COBLL1: variants seen among roughly 807,000 people sequenced by gnomAD.
The protein encoded by COBLL1 is cordon-bleu protein-like 1.
COBLL1 carries 50 observed loss-of-function variants against 94.8 expected under a neutral mutation model. The observed-to-expected ratio is 0.53, with a 90% CI of 0.42 to 0.67. The LOEUF is 0.67. Ranked by LOEUF, COBLL1 falls within the 30% of genes least tolerant of loss-of-function variation. The probability of loss-of-function intolerance (pLI) is 0.00; values close to 1 mark genes in which losing one functional copy is unlikely to be tolerated. For synonymous variants in COBLL1, 448 were observed against 473.8 expected (o/e 0.95, Z 0.71); for missense variants, 1,362 against 1,348.7 (o/e 1.01, Z -0.15).
At chr2:164,773,336 A>C (rs1000250443) in intron 2 of COBLL1, among the ~76,000 whole-genome samples, 3 of 152,138 alleles carry the variant, frequency 2.0e-5, no homozygotes, top group Non-Finnish European at 2.9e-5. Context: ...ACCATGTCTT[A>C]AGGCTAGGAA....
At chr2:164,732,050 G>T (rs888825831) in intron 3 of COBLL1, among the ~76,000 whole-genome samples, 4 of 152,056 alleles carry the variant, frequency 2.6e-5, no homozygotes, top group African/African-American at 9.7e-5. Flanking sequence ...CTACTCCTAG[G>T]CCAGTCCAAT....
At chr2:164,698,310 A>G (rs1684059235) in intron 11 of COBLL1, 1 of 151,570 alleles carries the variant, frequency 6.6e-6, no homozygotes, top group South Asian at 2.1e-4. Context: ...ATATCTCACA[A>G]TGGTATTGAA....
At chr2:164,699,648 C>T (rs538729775) in intron 10 of COBLL1, 149 bp from the exon 11 acceptor site, 14 of 493,818 alleles carry the variant, frequency 2.8e-5, no homozygotes, top group South Asian at 1.1e-4. Context: ...TGCCAAACAT[C>T]GGAAATTTAA....
rs775429581 is a variant in COBLL1 at position 164,700,554 on chromosome 2, T to C, written c.1428A>G (p.Glu476=). 1.1e-5 allele frequency: 17 copies of C among 1,613,582 alleles called. No individual in the cohort carries two copies. Among genetic ancestry groups the C allele is most frequent in the Non-Finnish European group, 1.4e-5 (17 of 1,179,732 alleles). Residue 476 remains glutamate, a synonymous_variant, in exon 10 of 14, where the codon GAA becomes GAG. Coordinates refer to ENST00000652658, the MANE Select transcript of COBLL1 (RefSeq NM_001365672.2). ...GSGEFSQNSM[E]EKQETKSTDG... ...CTGTGCTTTTAGTTTCTTGTTTTTC[T>C]TCCATGGAGTTTTGTGAGAACTCTC...
chr2:164,830,700 G>C (rs1683034861), intron 2 of COBLL1, among the ~76,000 whole-genome samples: 1 of 152,114 alleles, frequency 6.6e-6, no homozygotes, highest in South Asian at 2.1e-4. Context: ...TAGAATCACA[G>C]ACATACAGTA....
chr2:164,783,092 C>T (rs933254026), intron 2 of COBLL1, among the ~76,000 whole-genome samples: 1 of 152,104 alleles, frequency 6.6e-6, no homozygotes, highest in Admixed American at 6.5e-5. Flanking sequence ...GCCCAAATCC[C>T]ACAGGTCTTT....
In COBLL1 at chr2:164,681,941, T is replaced by G. The variant is rs1373164465; in HGVS notation, c.*4005A>C. 6.6e-6 allele frequency: 1 copy of G among 152,196 alleles called. No homozygotes were observed. The highest frequency in any genetic ancestry group is 1.5e-5 in the Non-Finnish European group (1 of 68,036). 9.4% of individuals were successfully genotyped at this position (152,196 alleles called of 1,614,324 possible). A position where few individuals can be genotyped will look rare whatever the true frequency, so the allele number is the denominator to read the frequency against. ...TATCTATATGAACAGTCTAACATAT[T>G]AAGGATGGAAATTTGCAGGAAAGTG... On this transcript the variant is annotated 3_prime_UTR_variant, in exon 14 of 14. Coordinates refer to ENST00000652658, the MANE Select transcript of COBLL1 (RefSeq NM_001365672.2).
chr2:164,810,225 T>C (rs1462604070), intron 2 of COBLL1, among the ~76,000 whole-genome samples: 1 of 151,580 alleles, frequency 6.6e-6, no homozygotes, highest in African/African-American at 2.4e-5. Context: ...TTGGGATATA[T>C]TTATGAATTT....
intron 2 of COBLL1, among the ~76,000 whole-genome samples, chr2:164,771,595 C>G (rs1688206675): frequency 1.3e-5 from 2 of 151,848 alleles, no homozygotes; most frequent in Admixed American, 1.3e-4. Flanking sequence ...TGACAACAGG[C>G]TAAAGTTAAA....
At chr2:164,813,176 T>C (rs1684540298) in intron 2 of COBLL1, among the ~76,000 whole-genome samples, 2 of 152,110 alleles carry the variant, frequency 1.3e-5, no homozygotes, top group Admixed American at 6.6e-5. Context: ...ACATCTTCAC[T>C]ACATTCAGTT....
intron 2 of COBLL1, among the ~76,000 whole-genome samples, chr2:164,795,450 C>A (rs942563841): frequency 2.6e-5 from 4 of 151,978 alleles, no homozygotes; most frequent in Non-Finnish European, 5.9e-5. Context: ...TCTATTAATT[C>A]GTTATATTTT....
At chr2:164,665,331 A>G (rs1265130427) in intron 2 of COBLL1, among the ~76,000 whole-genome samples, 2 of 252 alleles carry the variant, frequency 7.9e-3, no homozygotes, top group Non-Finnish European at 0.017. Flanking sequence ...ATTCTGTGTC[A>G]AAAAAAAAAA....
intron 2 of COBLL1, among the ~76,000 whole-genome samples, chr2:164,828,897 C>T (rs555004201): frequency 3.0e-4 from 46 of 152,052 alleles, no homozygotes; most frequent in Non-Finnish European, 5.6e-4. Context: ...CTTATAGTTC[C>T]ATTGGACGGT....
At position 164,832,321 on chromosome 2, in the gene COBLL1, T is replaced by A. The variant is rs902976626; in HGVS notation, c.41+8835A>T. Among the ~76,000 whole-genome samples, 5 of 152,218 alleles carry A rather than the reference T, an allele frequency of 3.3e-5. No individual in the cohort carries two copies. The East Asian group carries it at 9.6e-4, about 29-fold the overall frequency. ...AAGGTAAAATGGTGTATTTAATTTT[T>A]AAAAATATACCAGAATACCTACCAA... On this transcript the variant is annotated intron_variant, in intron 2 of 13. Coordinates refer to ENST00000652658, the MANE Select transcript of COBLL1 (RefSeq NM_001365672.2).
At chr2:164,831,726 T>C in intron 2 of COBLL1, among the ~76,000 whole-genome samples, 1 of 152,036 alleles carries the variant, frequency 6.6e-6, no homozygotes, top group Non-Finnish European at 1.5e-5. Context: ...GACCAGGAAA[T>C]ACAGGTATTG....
rs5835991 is a variant in COBLL1, at chr2:164,727,688, C to CAAA, written c.661+278_661+280dup. Among the ~76,000 whole-genome samples the CAAA allele has an allele frequency of 4.5e-3, 623 of 137,232 alleles. 4 individuals are homozygous for CAAA. The highest frequency in any genetic ancestry group is 6.9e-3 in the Admixed American group (94 of 13,710). 90.0% of individuals were successfully genotyped at this position (137,232 alleles called of 152,430 possible). ...CATGAAGAATTAAGTTAAATCCTAC[C>CAAA]AAAAAAAAAAAAATCAAAGAAAAAA... is the stretch of plus-strand genomic sequence containing the variant. On this transcript the variant is annotated intron_variant, in intron 5 of 13. Transcript: ENST00000652658.
At chr2:164,772,518 A>C (rs769264853) in intron 2 of COBLL1, among the ~76,000 whole-genome samples, 10 of 152,128 alleles carry the variant, frequency 6.6e-5, no homozygotes, top group South Asian at 2.1e-4. Context: ...TTTCTCCTTC[A>C]TTCTGTAAAG....
At chr2:164,748,108 T>G (rs1443120592) in intron 2 of COBLL1, among the ~76,000 whole-genome samples, 23 of 152,142 alleles carry the variant, frequency 1.5e-4, no homozygotes, top group Admixed American at 1.5e-3. Flanking sequence ...AGTAGAATTT[T>G]GATAAGCAGA....
At chr2:164,780,774 G>A (rs1001334989) in intron 2 of COBLL1, among the ~76,000 whole-genome samples, 2 of 152,148 alleles carry the variant, frequency 1.3e-5, no homozygotes, top group African/African-American at 4.8e-5. Flanking sequence ...TATCTGCCGG[G>A]CTAAGTGGAA....
Sources: allele counts gnomAD v4.1 joint callset (sites outside exome capture counted in the v4.1 genomes callset), GRCh38; gene constraint gnomAD v4.1.1; transcripts MANE v1.5; gene names NCBI Gene and HGNC (gene_info 2026-07-23, HGNC 2026-07-21).